The following STIM1 variants were observed in gnomAD, a reference collection of about 807,000 sequenced individuals.
STIM1 encodes stromal interaction molecule 1.
A neutral mutation model predicts 74.7 loss-of-function variants in STIM1; 25 were observed. That is an observed-to-expected ratio of 0.33 (90% CI 0.24 to 0.47). STIM1 has a LOEUF of 0.47. Among genes scored for constraint, STIM1 ranks in the 20% least tolerant of loss-of-function variants. The pLI, the probability that STIM1 is intolerant of heterozygous loss-of-function variation, is 1.00. For missense variants in STIM1, 728 were observed against 920.8 expected, an observed-to-expected ratio of 0.79 and a Z score of 2.71; for synonymous variants, 328 against 348.8, an observed-to-expected ratio of 0.94 and a Z score of 0.66.
At chr11:4,046,629 G>A (rs1206674568) in intron 3 of STIM1, among the ~76,000 whole-genome samples, 1 of 152,032 alleles carries the variant, frequency 6.6e-6, no homozygotes, top group Non-Finnish European at 1.5e-5. Flanking sequence ...TGGGCTGAGA[G>A]GAATGCCTGA....
chr11:3,972,762 T>C (rs2093408786), intron 2 of STIM1: 3 of 453,684 alleles, frequency 6.6e-6, no homozygotes, highest in South Asian at 4.7e-5. Context: ...TCTTTGTCAC[T>C]TCTCTGGCTC....
chr11:4,031,273 C>T (rs1211278362), intron 3 of STIM1, among the ~76,000 whole-genome samples: 1 of 152,076 alleles, frequency 6.6e-6, no homozygotes, highest in Non-Finnish European at 1.5e-5. Flanking sequence ...AGAGACATAC[C>T]ACAATTTATT....
Position 3,933,935 on chromosome 11 carries a change from T to C in STIM1, c.140-33617T>C. ...TGGAAAGAGCCTCCCTCAGCCTTTC[T>C]AAATTGCGTGGCTACTGAAGTTGGT... On this transcript the variant is annotated intron_variant, in intron 1 of 12. Transcript: ENST00000526596. Among the ~76,000 whole-genome samples, 4 of 152,316 alleles carry C rather than the reference T, an allele frequency of 2.6e-5. No homozygotes were observed. In the South Asian group the frequency reaches 8.3e-4, roughly 32 times the overall value.
At chr11:3,939,927 A>C (rs975543196) in intron 1 of STIM1, among the ~76,000 whole-genome samples, 1 of 152,158 alleles carries the variant, frequency 6.6e-6, no homozygotes, top group Non-Finnish European at 1.5e-5. Flanking sequence ...AGAGATCATC[A>C]TTCCAGTTGT....
intron 5 of STIM1, among the ~76,000 whole-genome samples, chr11:4,066,894 A>ACTAATTT (rs2094370025): frequency 6.6e-6 from 1 of 152,194 alleles, no homozygotes; most frequent in Non-Finnish European, 1.5e-5. Context: ...GGCATAGATT[A>ACTAATTT]GACTCTTGAT....
At chr11:4,064,867 G>T (rs1011629370) in intron 5 of STIM1, among the ~76,000 whole-genome samples, 1 of 152,206 alleles carries the variant, frequency 6.6e-6, no homozygotes, top group Non-Finnish European at 1.5e-5. Context: ...TCGCCAAACA[G>T]TACCAGTTTG....
rs769583191 is a variant in STIM1, at chr11:4,055,485, T to C, written c.386-41T>C. Reference sequence around the variant, plus strand: ...CATGACAACAAATGAAAGCAGTGCTTGGCATTCTAGAGTCATGGCTTTGCT... The same window carrying C: ...CATGACAACAAATGAAAGCAGTGCTCGGCATTCTAGAGTCATGGCTTTGCT... On this transcript the variant is annotated intron_variant, in intron 3 of 12. Transcript: ENST00000526596. The C allele has an allele frequency of 4.7e-5, 69 of 1,472,630 alleles. No individual in the cohort carries two copies. The South Asian group carries it at 8.3e-4, about 18-fold the overall frequency. 91.2% of individuals were successfully genotyped at this position (1,472,630 alleles called of 1,614,324 possible).
intron 2 of STIM1, among the ~76,000 whole-genome samples, chr11:3,979,257 C>T (rs2093478598): frequency 6.6e-6 from 1 of 152,058 alleles, no homozygotes; most frequent in Admixed American, 6.6e-5. Flanking sequence ...CTGTAGACAA[C>T]CCTTAAGTGT....
intron 1 of STIM1, among the ~76,000 whole-genome samples, chr11:3,861,989 G>A (rs2090630880): frequency 6.6e-6 from 1 of 152,020 alleles, no homozygotes; most frequent in Admixed American, 6.6e-5. Flanking sequence ...ATTTCCCTTT[G>A]TGGAAAATGA....
At chr11:4,059,689 C>T (rs1018221939) in intron 5 of STIM1, among the ~76,000 whole-genome samples, 1 of 152,140 alleles carries the variant, frequency 6.6e-6, no homozygotes, top group Non-Finnish European at 1.5e-5. Context: ...CATGAGTGTT[C>T]TGTAGAGGTA....
intron 1 of STIM1, among the ~76,000 whole-genome samples, chr11:3,913,852 T>A (rs1339304701): frequency 6.6e-6 from 1 of 152,228 alleles, no homozygotes; most frequent in Non-Finnish European, 1.5e-5. Flanking sequence ...ATATTTCATA[T>A]CAATGAAATC....
chr11:4,070,791 A>C (rs1207390142), intron 6 of STIM1, among the ~76,000 whole-genome samples: 1 of 152,220 alleles, frequency 6.6e-6, no homozygotes. Context: ...GTTAAAATAA[A>C]ATGTGACTTC....
At chr11:4,036,171 G>T (rs2094100625) in intron 3 of STIM1, among the ~76,000 whole-genome samples, 1 of 152,126 alleles carries the variant, frequency 6.6e-6, no homozygotes, top group South Asian at 2.1e-4. Context: ...TCATGTCCCT[G>T]CAAAGGACAT....
chr11:3,931,023 AG>A (rs1431416951), intron 1 of STIM1, among the ~76,000 whole-genome samples: 1 of 152,220 alleles, frequency 6.6e-6, no homozygotes, highest in Non-Finnish European at 1.5e-5. Flanking sequence ...GCAGTGTAGT[AG>A]GGAAGGCAAA....
At chr11:4,033,333 C>T (rs919771332) in intron 3 of STIM1, among the ~76,000 whole-genome samples, 27 of 152,182 alleles carry the variant, frequency 1.8e-4, no homozygotes, top group Admixed American at 5.2e-4. Flanking sequence ...ATTGACTTGG[C>T]GATGCGGGCT....
intron 3 of STIM1, among the ~76,000 whole-genome samples, chr11:4,028,739 CG>C (rs1413755830): frequency 6.6e-6 from 1 of 152,068 alleles, no homozygotes; most frequent in Non-Finnish European, 1.5e-5. Context: ...TTTCTTTCCT[CG>C]TTTTTATGAA....
chr11:4,005,590 GA>G (rs1416106364), intron 2 of STIM1, among the ~76,000 whole-genome samples: 30 of 120,898 alleles, frequency 2.5e-4, no homozygotes, highest in Admixed American at 7.5e-4. Flanking sequence ...GGGGTGGGGG[GA>G]GGGGGGAGCG....
chr11:3,870,122 C>T (rs1031902461), intron 1 of STIM1, among the ~76,000 whole-genome samples: 2 of 152,156 alleles, frequency 1.3e-5, no homozygotes, highest in African/African-American at 4.8e-5. Context: ...TCTTTCTATG[C>T]TTATTTCACA....
intron 7 of STIM1, among the ~76,000 whole-genome samples, chr11:4,078,320 C>A (rs1482726049): frequency 6.6e-6 from 1 of 152,186 alleles, no homozygotes; most frequent in Non-Finnish European, 1.5e-5. Flanking sequence ...TGTTAAATTT[C>A]TTTCTCTTCA....
Sources: gnomAD v4.1 joint callset for allele counts (sites outside exome capture counted in the v4.1 genomes callset) on GRCh38, gnomAD v4.1.1 for gene constraint, MANE v1.5 for transcripts, NCBI Gene and HGNC (gene_info 2026-07-23, HGNC 2026-07-21) for gene names.